PTPRK: variants seen among roughly 807,000 people sequenced by gnomAD.
PTPRK encodes the protein protein tyrosine phosphatase receptor type K.
PTPRK carries 75 observed loss-of-function variants against 178.0 expected under a neutral mutation model. The ratio of observed to expected loss-of-function variants is 0.42; its 90% CI spans 0.35 to 0.51. The LOEUF is 0.51. PTPRK is among the 20% of genes least tolerant of loss of function. PTPRK has a pLI of 0.02. For missense variants in PTPRK, 1,441 were observed against 1,797.8 expected (o/e 0.80, Z 3.59); for synonymous variants, 637 against 620.6 (o/e 1.03, Z -0.39).
chr6:128,456,006 G>A (rs895334643), intron 1 of PTPRK, among the ~76,000 whole-genome samples: 1 of 152,040 alleles, frequency 6.6e-6, no homozygotes, highest in African/African-American at 2.4e-5. Context: ...TTAATAGACA[G>A]AACCAGGGAA....
intron 3 of PTPRK, among the ~76,000 whole-genome samples, chr6:128,315,901 C>A (rs1385082083): frequency 2.6e-5 from 4 of 152,136 alleles, no homozygotes; most frequent in Non-Finnish European, 5.9e-5. Flanking sequence ...AAAAATAAGT[C>A]TTTGAAATGA....
chr6:128,031,267 C>T (rs1035244507), intron 13 of PTPRK, among the ~76,000 whole-genome samples: 13 of 152,166 alleles, frequency 8.5e-5, no homozygotes, highest in African/African-American at 3.1e-4. Context: ...TTTGGCTAAA[C>T]GTACACGACT....
At chr6:128,108,069 A>AAC (rs67513455) in intron 7 of PTPRK, among the ~76,000 whole-genome samples, 11,141 of 133,680 alleles carry the variant, frequency 0.083, 451 homozygotes, top group Admixed American at 0.12. Flanking sequence ...TAAATAGCAA[A>AAC]ACACACACAC....
chr6:128,273,499 C>T (rs1302423457), intron 3 of PTPRK, among the ~76,000 whole-genome samples: 2 of 152,156 alleles, frequency 1.3e-5, no homozygotes, highest in Admixed American at 1.3e-4. Flanking sequence ...ATTGAGTTTA[C>T]AAGCCTTTGA....
At chr6:128,228,585 G>C (rs1007776405) in intron 5 of PTPRK, among the ~76,000 whole-genome samples, 4 of 150,724 alleles carry the variant, frequency 2.7e-5, no homozygotes, top group Admixed American at 2.6e-4. Context: ...GCGTGAACCC[G>C]GGAGGCGGAG....
chr6:128,397,542 C>G (rs1361564792), intron 2 of PTPRK, 24 bp downstream of exon 2: 3 of 1,612,876 alleles, frequency 1.9e-6, no homozygotes, highest in Non-Finnish European at 2.5e-6. Flanking sequence ...TCCCCCAACA[C>G]TGACTAAACA....
intron 6 of PTPRK, among the ~76,000 whole-genome samples, chr6:128,194,064 ATATTAT>A (rs373236074): frequency 0.024 from 3,235 of 137,498 alleles, 70 homozygotes; most frequent in African/African-American, 0.047. Flanking sequence ...ATTTATATAT[ATATTAT>A]TATTATTATT....
chr6:128,002,325 T>C (rs776259076), intron 15 of PTPRK, among the ~76,000 whole-genome samples: 5 of 151,718 alleles, frequency 3.3e-5, no homozygotes, highest in Non-Finnish European at 7.4e-5. Context: ...AACATGACAT[T>C]TGGGAATTTA....
intron 6 of PTPRK, among the ~76,000 whole-genome samples, chr6:128,207,858 G>T (rs770997829): frequency 6.6e-6 from 1 of 151,832 alleles, no homozygotes; most frequent in Non-Finnish European, 1.5e-5. Context: ...AAATGATACC[G>T]GTAACACAGT....
chr6:128,204,042 A>ATAGTATTGCTGTT (rs1455253601), intron 6 of PTPRK, among the ~76,000 whole-genome samples: 4 of 152,220 alleles, frequency 2.6e-5, no homozygotes, highest in African/African-American at 9.6e-5. Context: ...AGGCTACAGT[A>ATAGTATTGCTGTT]ACCAAAACAG....
chr6:128,035,831 G>A (rs1192576550), intron 13 of PTPRK, among the ~76,000 whole-genome samples: 8 of 152,080 alleles, frequency 5.3e-5, no homozygotes, highest in Non-Finnish European at 1.2e-4. Context: ...GGGCAGGGCT[G>A]ATAGACATCC....
At chr6:128,338,581 C>G (rs1292436383) in intron 2 of PTPRK, among the ~76,000 whole-genome samples, 1 of 152,128 alleles carries the variant, frequency 6.6e-6, no homozygotes, top group African/African-American at 2.4e-5. Flanking sequence ...AGTATATCCA[C>G]CAGTGGAGAC....
chr6:128,132,127 A>G (rs553550924), intron 7 of PTPRK, among the ~76,000 whole-genome samples: 1 of 152,324 alleles, frequency 6.6e-6, no homozygotes, highest in Non-Finnish European at 1.5e-5. Flanking sequence ...CTAAAATACT[A>G]TAAAAGACAA....
rs1164205415 is a variant in PTPRK, at chr6:128,174,324, A to G, written c.1162+10108T>C. ...CAGAAAGAAGAAGGAGTGGGGAGGG[A>G]AAAGAAACCCTCATTTGTAGCACTT... On this transcript the variant is annotated intron_variant, in intron 7 of 29. Coordinates refer to ENST00000368226, the MANE Select transcript of PTPRK (RefSeq NM_002844.4). Among the ~76,000 whole-genome samples, 3 of 151,960 alleles carry G rather than the reference A, an allele frequency of 2.0e-5. No individual in the cohort carries two copies. In the East Asian group the frequency reaches 5.8e-4, roughly 29 times the overall value.
intron 3 of PTPRK, among the ~76,000 whole-genome samples, chr6:128,256,828 G>A (rs1013697609): frequency 3.9e-5 from 6 of 152,252 alleles, no homozygotes; most frequent in Non-Finnish European, 7.3e-5. Context: ...AAAAGAGGGC[G>A]TTACAGACCA....
At chr6:128,058,573 T>A (rs1238038041) in intron 13 of PTPRK, among the ~76,000 whole-genome samples, 1 of 152,138 alleles carries the variant, frequency 6.6e-6, no homozygotes, top group Non-Finnish European at 1.5e-5. Flanking sequence ...ATTACAAGTA[T>A]CTTTTCTCCT....
At chr6:128,337,484 C>G (rs1057240792) in intron 2 of PTPRK, among the ~76,000 whole-genome samples, 3 of 152,158 alleles carry the variant, frequency 2.0e-5, no homozygotes, top group Non-Finnish European at 4.4e-5. Context: ...GCTCAGATCT[C>G]AGTTTGAACC....
At chr6:128,367,797 T>C (rs1244578293) in intron 2 of PTPRK, among the ~76,000 whole-genome samples, 1 of 152,178 alleles carries the variant, frequency 6.6e-6, no homozygotes, top group Non-Finnish European at 1.5e-5. Context: ...CACAGGTTTC[T>C]TAGCACATAA....
chr6:128,090,038 A>T (rs1786651695), intron 7 of PTPRK, 46 bp from the exon 8 acceptor site: 2 of 1,434,636 alleles, frequency 1.4e-6, no homozygotes, highest in African/African-American at 2.8e-5. Flanking sequence ...TTATATCATG[A>T]ATAATCCTGG....
Sources: gnomAD v4.1 joint callset for allele counts (sites outside exome capture counted in the v4.1 genomes callset) on GRCh38, gnomAD v4.1.1 for gene constraint, MANE v1.5 for transcripts, NCBI Gene and HGNC (gene_info 2026-07-23, HGNC 2026-07-21) for gene names.